PSMG2: variants seen among roughly 807,000 people sequenced by gnomAD.
PSMG2 encodes CD40 ligand-activated specific transcript 3.
PSMG2 carries 21 observed loss-of-function variants against 31.5 expected under a neutral mutation model. That is an observed-to-expected ratio of 0.67 (90% CI 0.47 to 0.96). PSMG2 has a LOEUF of 0.96. Ranked by LOEUF, PSMG2 falls within the 40% of genes least tolerant of loss-of-function variation. The pLI, the probability that PSMG2 is intolerant of heterozygous loss-of-function variation, is 0.00. For synonymous variants in PSMG2, 120 were observed against 110.4 expected, an observed-to-expected ratio of 1.09 and a Z score of -0.54; for missense variants, 318 against 321.2, an observed-to-expected ratio of 0.99 and a Z score of 0.08.
intron 1 of PSMG2, chr18:12,686,612 C>T (rs2039548341): frequency 3.9e-6 from 2 of 516,554 alleles, no homozygotes; most frequent in South Asian, 2.5e-5. Flanking sequence ...TATAATTTCC[C>T]TTAATCCTCA....
upstream of PSMG2, chr18:12,699,938 T>G (rs369948023): frequency 2.9e-6 from 4 of 1,402,838 alleles, no homozygotes; most frequent in African/African-American, 2.9e-5. Context: ...TCAAAACAAA[T>G]TAGAAAACAA....
intron 6 of PSMG2, among the ~76,000 whole-genome samples, chr18:12,725,127 G>T (rs2040464456): frequency 6.6e-6 from 1 of 152,142 alleles, no homozygotes; most frequent in Admixed American, 6.6e-5. Context: ...TTTAATTCAT[G>T]CTTTTGCCAA....
chr18:12,661,600 C>T lies in PSMG2; in HGVS notation c.-37+2827C>T, dbSNP rs568245080. 2.6e-5 allele frequency among the ~76,000 whole-genome samples: 4 copies of T among 151,918 alleles called. No homozygotes were observed. The South Asian group carries it at 6.3e-4, about 24-fold the overall frequency. ...CAGTCTGGCCAACATGGTGAAACCT[C>T]GTCTCTACTAAAAATGCAAAGAAAA... On this transcript the variant is annotated intron_variant, in intron 1 of 6. Transcript: ENST00000585331.
At chr18:12,699,858 A>G, upstream of PSMG2, 1 of 1,593,996 alleles carries the variant, frequency 6.3e-7, no homozygotes, top group Non-Finnish European at 8.5e-7. Context: ...GTCTATCAAA[A>G]CAAATAGGTT....
intron 5 of PSMG2, among the ~76,000 whole-genome samples, chr18:12,721,774 G>A (rs1475640335): frequency 1.3e-5 from 2 of 151,634 alleles, no homozygotes; most frequent in African/African-American, 4.8e-5. Context: ...GCTAGCTTTG[G>A]ATTTGATTTG....
intron 1 of PSMG2, among the ~76,000 whole-genome samples, chr18:12,703,907 G>A (rs1162684852): frequency 6.6e-6 from 1 of 152,178 alleles, no homozygotes; most frequent in Non-Finnish European, 1.5e-5. Flanking sequence ...TAAGCAGGGG[G>A]ACTTGAAGAC....
chr18:12,683,591 A>C (rs572569209), intron 1 of PSMG2, among the ~76,000 whole-genome samples: 1 of 151,860 alleles, frequency 6.6e-6, no homozygotes, highest in East Asian at 1.9e-4. Context: ...TCTCTACTAA[A>C]AATACAAAAA....
chr18:12,674,480 G>A (rs1410535624), intron 1 of PSMG2: 16 of 1,312,760 alleles, frequency 1.2e-5, no homozygotes, highest in South Asian at 7.3e-5. Flanking sequence ...AACCCCTGCC[G>A]GACTGATCTG....
At chr18:12,685,260 A>G (rs1434208211) in intron 1 of PSMG2, 1 of 152,090 alleles carries the variant, frequency 6.6e-6, no homozygotes, top group African/African-American at 2.4e-5. Flanking sequence ...TCTGCCTCCC[A>G]AAGTGCTGGG....
intron 1 of PSMG2, among the ~76,000 whole-genome samples, chr18:12,693,667 C>T (rs1216345669): frequency 6.6e-6 from 1 of 152,062 alleles, no homozygotes; most frequent in Non-Finnish European, 1.5e-5. Context: ...CCTGTAGTCC[C>T]AGCTACTCAG....
chr18:12,696,734 A>G (rs1188623735), intron 1 of PSMG2, among the ~76,000 whole-genome samples: 1 of 152,100 alleles, frequency 6.6e-6, no homozygotes, highest in Non-Finnish European at 1.5e-5. Context: ...TCTGCCCTCA[A>G]GGACTAGTTG....
rs1361528977 is a variant in PSMG2 at position 12,705,570 on chromosome 18, A to AGTGT, written c.58-979_58-978insTGTG. ...AAGAGAGAGAGAGAGAGAGAGAGAG[A>AGTGT]GAGAGAGTGTGTGTGTGTGTGTGTG... On this transcript the variant is annotated intron_variant, in intron 1 of 6. Transcript: ENST00000317615. 5.5e-3 allele frequency among the ~76,000 whole-genome samples: 695 copies of AGTGT among 126,272 alleles called. 2 individuals are homozygous for AGTGT. Among genetic ancestry groups the AGTGT allele is most frequent in the East Asian group, 0.021 (87 of 4,174 alleles). 82.8% of individuals were successfully genotyped at this position (126,272 alleles called of 152,430 possible).
At chr18:12,686,764 G>C (rs12455295) in intron 1 of PSMG2, 51,138 of 207,346 alleles carry the variant, frequency 0.25, 7,356 homozygotes, top group Non-Finnish European at 0.32. Context: ...TAGGTATGTA[G>C]GGGAGGGAGA....
At chr18:12,702,983 C>A, upstream of PSMG2, 2 of 1,094,284 alleles carry the variant, frequency 1.8e-6, 1 homozygote, top group Middle Eastern at 5.3e-4. Context: ...AAGGGCCCGG[C>A]GCCCAGGGAC....
chr18:12,669,032 C>CTTT (rs71174122), intron 1 of PSMG2, among the ~76,000 whole-genome samples: 488 of 41,892 alleles, frequency 0.012, 154 homozygotes, highest in Middle Eastern at 0.022. Context: ...ACCCCCCGCA[C>CTTT]TTTTTTTTTT....
At chr18:12,705,785 C>G (rs528828043) in intron 1 of PSMG2, among the ~76,000 whole-genome samples, 1 of 152,224 alleles carries the variant, frequency 6.6e-6, no homozygotes, top group African/African-American at 2.4e-5. Flanking sequence ...TTTTTCAGGT[C>G]TCTAGTCATT....
intron 1 of PSMG2, among the ~76,000 whole-genome samples, chr18:12,687,486 C>T (rs1009748180): frequency 1.4e-5 from 2 of 145,058 alleles, no homozygotes; most frequent in Non-Finnish European, 3.0e-5. Flanking sequence ...GACAGAGTCT[C>T]GCTGTTGTCC....
intron 1 of PSMG2, among the ~76,000 whole-genome samples, chr18:12,672,375 C>G (rs2038971017): frequency 6.6e-6 from 1 of 152,138 alleles, no homozygotes; most frequent in Non-Finnish European, 1.5e-5. Context: ...CTCGGCCTCC[C>G]AAAGTGCTGG....
chr18:12,699,917 G>GA, upstream of PSMG2: 1 of 1,526,634 alleles, frequency 6.6e-7, no homozygotes, highest in Non-Finnish European at 8.8e-7. Flanking sequence ...TAGAAAGGCA[G>GA]GAAAAAAAAA....
Sources: gnomAD v4.1 joint callset for allele counts (sites outside exome capture counted in the v4.1 genomes callset) on GRCh38, gnomAD v4.1.1 for gene constraint, MANE v1.5 for transcripts, NCBI Gene and HGNC (gene_info 2026-07-23, HGNC 2026-07-21) for gene names.